The following OPRD1 variants were observed in gnomAD, a reference collection of about 807,000 sequenced individuals.
The protein encoded by OPRD1 is opioid receptor delta 1, also known as delta-type opioid receptor.
In OPRD1, 19 loss-of-function variants were observed where a neutral mutation model predicts 17.5. That is an observed-to-expected ratio of 1.09 (90% CI 0.76 to 1.60). OPRD1 has a LOEUF of 1.60. OPRD1 is among the 40% of genes most tolerant of loss of function. The pLI is 0.00. For synonymous variants in OPRD1, 256 were observed against 240.9 expected (o/e 1.06, Z -0.58); for missense variants, 483 against 547.2 (o/e 0.88, Z 1.17).
intron 1 of OPRD1, among the ~76,000 whole-genome samples, chr1:28,838,242 C>G (rs1461249151): frequency 6.6e-6 from 1 of 152,156 alleles, no homozygotes; most frequent in Non-Finnish European, 1.5e-5. Context: ...ATGTAGACAT[C>G]TGCCAAGAGC....
chr1:28,812,593 C>A lies in OPRD1; in HGVS notation c.210C>A (p.Val70=). ...TGGGGCTGCTGGGCAACGTGCTTGT[C>A]ATGTTCGGCATCGTCCGGTGAGTCC... ...CAVGLLGNVL[V]MFGIVRYTKM... The change falls in exon 1 of 3, where the codon GTC becomes GTA. Residue 70 remains valine (V), a synonymous_variant. Coordinates refer to ENST00000234961, the MANE Select transcript of OPRD1 (RefSeq NM_000911.4). 6.5e-7 allele frequency: 1 copy of A among 1,544,574 alleles called. No homozygotes were observed. The highest frequency in any genetic ancestry group is 1.9e-5 in the Admixed American group (1 of 53,416).
chr1:28,854,016 C>T (rs1037343440), intron 1 of OPRD1, among the ~76,000 whole-genome samples: 1 of 152,088 alleles, frequency 6.6e-6, no homozygotes, highest in African/African-American at 2.4e-5. Context: ...GCTGGGATTA[C>T]AGGCATGAGC....
rs1443254536 is a variant in OPRD1 at position 28,869,687 on chromosome 1, T to TC, written c.*6406dup. ...CCACCTTTGGTCCTTCAAGTCCACTTCCTCTGCTTTCCTCTTCCTGCACCC... is the reference window on the plus strand; with the variant it reads ...CCACCTTTGGTCCTTCAAGTCCACTTCCCTCTGCTTTCCTCTTCCTGCACCC... On this transcript the variant is annotated 3_prime_UTR_variant, in exon 3 of 3. Transcript: ENST00000234961. 4.6e-5 allele frequency: 7 copies of TC among 152,258 alleles called. No homozygotes were observed. The highest frequency in any genetic ancestry group is 1.2e-4 in the African/African-American group (5 of 41,438). 9.4% of individuals were successfully genotyped at this position (152,258 alleles called of 1,614,324 possible).
intron 1 of OPRD1, among the ~76,000 whole-genome samples, chr1:28,820,009 GT>G (rs1326207993): frequency 6.6e-6 from 1 of 152,224 alleles, no homozygotes; most frequent in East Asian, 1.9e-4. Flanking sequence ...AACGGGAGTA[GT>G]GATAGACCCT....
intron 1 of OPRD1, among the ~76,000 whole-genome samples, chr1:28,827,734 T>C (rs1174917655): frequency 2.6e-5 from 4 of 151,516 alleles, no homozygotes; most frequent in African/African-American, 9.7e-5. Context: ...TGTTTTTTTC[T>C]TTTCCCCCTG....
chr1:28,818,668 G>A (rs1037803136), intron 1 of OPRD1, among the ~76,000 whole-genome samples: 2 of 152,192 alleles, frequency 1.3e-5, no homozygotes, highest in African/African-American at 4.8e-5. Context: ...TTACCATAGT[G>A]TCAAAAGCAC....
intron 1 of OPRD1, among the ~76,000 whole-genome samples, chr1:28,827,521 A>G (rs1044455931): frequency 5.3e-5 from 8 of 152,030 alleles, no homozygotes; most frequent in African/African-American, 1.9e-4. Flanking sequence ...TTGCTCATCT[A>G]TAAGAAGCAA....
intron 1 of OPRD1, among the ~76,000 whole-genome samples, chr1:28,830,821 T>G (rs183878586): frequency 9.9e-4 from 151 of 152,278 alleles, no homozygotes; most frequent in African/African-American, 3.2e-3. Flanking sequence ...GAAGAGTGTT[T>G]TAGGCAGAGG....
intron 1 of OPRD1, among the ~76,000 whole-genome samples, chr1:28,816,651 G>A (rs375403239): frequency 1.3e-5 from 2 of 152,162 alleles, no homozygotes; most frequent in African/African-American, 2.4e-5. Flanking sequence ...CAGGACTTCT[G>A]TGGACAGGTG....
intron 1 of OPRD1, 89 bp from the exon 2 acceptor site, chr1:28,858,865 T>C: frequency 1.5e-6 from 2 of 1,294,032 alleles, no homozygotes; most frequent in Admixed American, 1.7e-5. Flanking sequence ...CTTTTGCATG[T>C]CCTTAGGAAA....
At chr1:28,825,243 T>C (rs1368076380) in intron 1 of OPRD1, among the ~76,000 whole-genome samples, 1 of 152,206 alleles carries the variant, frequency 6.6e-6, no homozygotes, top group Admixed American at 6.5e-5. Context: ...TCTGTGTCTT[T>C]TGAGTCCATG....
chr1:28,816,533 C>A (rs1475759024), intron 1 of OPRD1, among the ~76,000 whole-genome samples: 2 of 152,160 alleles, frequency 1.3e-5, no homozygotes, highest in African/African-American at 4.8e-5. Flanking sequence ...CTCCAAGAAG[C>A]TACCTGAGAA....
At position 28,867,049 on chromosome 1, in the gene OPRD1, T is replaced by G. The variant is rs2089181263; in HGVS notation, c.*3766T>G. On this transcript the variant is annotated 3_prime_UTR_variant, in exon 3 of 3. Coordinates refer to ENST00000234961, the MANE Select transcript of OPRD1 (RefSeq NM_000911.4). ...CAGTGTCTTGCTCTGTTGCCCAGTC[T>G]GGAGTGCAAGTGCAGTGGTGCAGTC... 6.6e-6 allele frequency: 1 copy of G among 151,244 alleles called. No individual in the cohort carries two copies. Among genetic ancestry groups the G allele is most frequent in the South Asian group, 2.1e-4 (1 of 4,762 alleles). The allele number at this position is 151,244 out of a possible 1,614,324, so 9.4% of individuals were successfully genotyped here. A position where few individuals can be genotyped will look rare whatever the true frequency, so the allele number is the denominator to read the frequency against.
chr1:28,861,316 A>G (rs545888499), intron 2 of OPRD1, among the ~76,000 whole-genome samples: 1 of 152,166 alleles, frequency 6.6e-6, no homozygotes, highest in South Asian at 2.1e-4. Flanking sequence ...TAAGGTGTTC[A>G]TCCAGCCCAA....
intron 1 of OPRD1, among the ~76,000 whole-genome samples, chr1:28,830,264 T>C (rs1394407607): frequency 2.0e-5 from 3 of 151,662 alleles, no homozygotes; most frequent in Non-Finnish European, 4.4e-5. Context: ...TGGTCATGCC[T>C]GTAATCCCAG....
intron 1 of OPRD1, among the ~76,000 whole-genome samples, chr1:28,817,309 T>C (rs2088678434): frequency 6.6e-6 from 1 of 152,212 alleles, no homozygotes; most frequent in Admixed American, 6.5e-5. Context: ...TGAGATGATG[T>C]TGGCAAAGCA....
chr1:28,859,044 T>G lies in OPRD1; in HGVS notation c.318T>G (p.Ser106Arg). The G allele has an allele frequency of 6.2e-7, 1 of 1,614,160 alleles. No individual in the cohort carries two copies. Among genetic ancestry groups the G allele is most frequent in the Non-Finnish European group, 8.5e-7 (1 of 1,180,024 alleles). The change falls in exon 2 of 3, where the codon AGT becomes AGG. Residue 106 changes from serine to arginine, a missense_variant. Ser to Arg is a moderately radical substitution (Grantham distance 110, BLOSUM62 -1). Coordinates refer to ENST00000234961, the MANE Select transcript of OPRD1 (RefSeq NM_000911.4). Reference protein sequence around the residue: ...ALATSTLPFQSAKYLMETWPF... With the variant: ...ALATSTLPFQRAKYLMETWPF... ...CCACCAGCACGCTGCCTTTCCAGAGTGCCAAGTACCTGATGGAGACGTGGC... is the reference window on the plus strand; with the variant it reads ...CCACCAGCACGCTGCCTTTCCAGAGGGCCAAGTACCTGATGGAGACGTGGC...
At chr1:28,830,574 A>AAG (rs2088801048) in intron 1 of OPRD1, among the ~76,000 whole-genome samples, 1 of 152,174 alleles carries the variant, frequency 6.6e-6, no homozygotes, top group South Asian at 2.1e-4. Context: ...AGATAACCAT[A>AAG]AGAGATATAA....
chr1:28,842,223 G>T (rs1271064843), intron 1 of OPRD1, among the ~76,000 whole-genome samples: 1 of 152,012 alleles, frequency 6.6e-6, no homozygotes, highest in African/African-American at 2.4e-5. Flanking sequence ...AGAGACGGGG[G>T]TTCGCCATAT....
Sources: allele counts gnomAD v4.1 joint callset (sites outside exome capture counted in the v4.1 genomes callset), GRCh38; gene constraint gnomAD v4.1.1; transcripts MANE v1.5; gene names NCBI Gene and HGNC (gene_info 2026-07-23, HGNC 2026-07-21).